CRACD: variants seen among roughly 807,000 people sequenced by gnomAD.
CRACD encodes the protein capping protein-inhibiting regulator of actin dynamics.
A neutral mutation model predicts 106.8 loss-of-function variants in CRACD; 56 were observed. That is an observed-to-expected ratio of 0.52 (90% CI 0.42 to 0.66). CRACD has a LOEUF of 0.66. Among genes scored for constraint, CRACD ranks in the 30% least tolerant of loss-of-function variants. The pLI is 0.00. For synonymous variants in CRACD, 754 were observed against 670.8 expected (o/e 1.12, Z -1.92); for missense variants, 1,730 against 1,623.2 (o/e 1.07, Z -1.13).
chr4:56,081,974 C>CA (rs34692481), intron 1 of CRACD, among the ~76,000 whole-genome samples: 4,483 of 143,670 alleles, frequency 0.031, 82 homozygotes, highest in Admixed American at 0.064. Flanking sequence ...GACTCCGTCT[C>CA]AAAAAAAAAA....
intron 3 of CRACD, among the ~76,000 whole-genome samples, chr4:56,289,080 A>G (rs540579012): frequency 6.6e-6 from 1 of 152,286 alleles, no homozygotes; most frequent in East Asian, 1.9e-4. Context: ...AAATTCAAAG[A>G]GACAGAAAGT....
At chr4:56,058,594 GCTT>G (rs1732166100) in intron 1 of CRACD, among the ~76,000 whole-genome samples, 1 of 152,200 alleles carries the variant, frequency 6.6e-6, no homozygotes, top group African/African-American at 2.4e-5. Context: ...CAGAATGTAG[GCTT>G]CCTGTCAGTT....
chr4:56,101,462 T>C (rs1733773238), intron 1 of CRACD, among the ~76,000 whole-genome samples: 1 of 152,160 alleles, frequency 6.6e-6, no homozygotes, highest in Admixed American at 6.6e-5. Context: ...TTTGTACTTT[T>C]ATTAAAAATG....
At chr4:56,164,109 CAT>C (rs1018921045) in intron 1 of CRACD, among the ~76,000 whole-genome samples, 19 of 151,242 alleles carry the variant, frequency 1.3e-4, no homozygotes, top group African/African-American at 3.9e-4. Context: ...AAGTTTCAGA[CAT>C]ATACTTTTGC....
Position 56,295,688 on chromosome 4 carries a change from T to G in CRACD, c.-16-2526T>G, listed in dbSNP as rs868078435. 4.1e-4 allele frequency among the ~76,000 whole-genome samples: 54 copies of G among 132,316 alleles called. 1 individual carries two copies. Among genetic ancestry groups the G allele is most frequent in the African/African-American group, 1.6e-3 (52 of 32,472 alleles). The allele number at this position is 132,316 out of a possible 152,430, so 86.8% of individuals were successfully genotyped here. A position where few individuals can be genotyped will look rare whatever the true frequency, so the allele number is the denominator to read the frequency against. The stretch of plus-strand genomic sequence containing the variant: ...ATATATATATATATATATATATATA[T>G]ATATATATATATATATATATATATG... On this transcript the variant is annotated intron_variant, in intron 3 of 10. Transcript: ENST00000682029.
intron 1 of CRACD, among the ~76,000 whole-genome samples, chr4:56,169,792 G>A (rs185903153): frequency 2.6e-4 from 39 of 152,042 alleles, no homozygotes; most frequent in Non-Finnish European, 4.7e-4. Context: ...CGACTGGCCC[G>A]TTAAGAGTAT....
chr4:56,152,098 C>T (rs1416882913), intron 1 of CRACD, among the ~76,000 whole-genome samples: 2 of 151,554 alleles, frequency 1.3e-5, no homozygotes, highest in Non-Finnish European at 2.9e-5. Context: ...CCAGCTCCAC[C>T]TCCCGGGTTC....
chr4:56,232,199 TTA>T (rs1739663753), intron 2 of CRACD, among the ~76,000 whole-genome samples: 2 of 152,290 alleles, frequency 1.3e-5, no homozygotes, highest in South Asian at 4.1e-4. Context: ...TTCTAGAATT[TTA>T]TATAATGGTA....
intron 2 of CRACD, among the ~76,000 whole-genome samples, chr4:56,188,711 C>CAG (rs142124735): frequency 0.11 from 12,363 of 109,812 alleles, 1,633 homozygotes; most frequent in Non-Finnish European, 0.16. Context: ...CACACACACA[C>CAG]AGAGAGAGAG....
rs1188455252 is a variant in CRACD, at chr4:56,314,502, CGGCTGGAGGAGGACGCCA to C, written c.1012_1029del (p.Asp338_Glu343del). ...CCAGGCCCAAGCGGAGGAGAGGCGGCGGCTGGAGGAGGACGCCAGGCTGGAGGAGCGGAGGCGGCAGGA... is the reference window on the plus strand; with the variant it reads ...CCAGGCCCAAGCGGAGGAGAGGCGGCGGCTGGAGGAGCGGAGGCGGCAGGA... On this transcript the variant is annotated inframe_deletion, in exon 8 of 11. Transcript: ENST00000682029. This position sits in a 1 kb window ranked among gnomAD's most constrained non-coding sequence, Gnocchi z 4.4. 1.1e-5 allele frequency: 17 copies of C among 1,516,016 alleles called. No homozygotes were observed. In the South Asian group the frequency reaches 1.8e-4, roughly 16 times the overall value. The allele number at this position is 1,516,016 out of a possible 1,614,324, so 93.9% of individuals were successfully genotyped here.
At chr4:56,162,681 C>T (rs769357067) in intron 1 of CRACD, among the ~76,000 whole-genome samples, 10 of 152,212 alleles carry the variant, frequency 6.6e-5, no homozygotes, top group Non-Finnish European at 1.5e-4. Context: ...ATTACTGAAG[C>T]CTGCCTTGTC....
Position 56,307,455 on chromosome 4 carries a change from T to C in CRACD, c.121-80T>C. 2.1e-6 allele frequency: 3 copies of C among 1,450,600 alleles called. No individual in the cohort carries two copies. The South Asian group carries it at 3.8e-5, about 18-fold the overall frequency. 89.9% of individuals were successfully genotyped at this position (1,450,600 alleles called of 1,614,324 possible). A position where few individuals can be genotyped will look rare whatever the true frequency, so the allele number is the denominator to read the frequency against. ...GCACAAGGTATGCCTCAGTGCTCACTAGACATGCTGGAGAACCTGGTTGTG... is the reference window on the plus strand; with the variant it reads ...GCACAAGGTATGCCTCAGTGCTCACCAGACATGCTGGAGAACCTGGTTGTG... On this transcript the variant is annotated intron_variant, in intron 4 of 10. Coordinates refer to ENST00000682029, the MANE Select transcript of CRACD (RefSeq NM_001393381.1).
chr4:56,262,936 A>G (rs914766367), intron 2 of CRACD, among the ~76,000 whole-genome samples: 1 of 152,200 alleles, frequency 6.6e-6, no homozygotes, highest in Non-Finnish European at 1.5e-5. Flanking sequence ...TCCAAAACAC[A>G]GCTGGCCCTA....
At chr4:56,136,017 T>A (rs951697785) in intron 1 of CRACD, among the ~76,000 whole-genome samples, 14 of 152,128 alleles carry the variant, frequency 9.2e-5, no homozygotes, top group Non-Finnish European at 1.9e-4. Flanking sequence ...TTATACAGTA[T>A]GTACTCTTTT....
chr4:56,215,741 G>A (rs894156982), intron 2 of CRACD, among the ~76,000 whole-genome samples: 1 of 152,156 alleles, frequency 6.6e-6, no homozygotes, highest in South Asian at 2.1e-4. Context: ...TGAGGTTGAA[G>A]GTGACTAAGA....
rs535473044 is a variant in CRACD at position 56,284,724 on chromosome 4, C to T, written c.-17+12232C>T. Among the ~76,000 whole-genome samples the T allele has an allele frequency of 5.4e-5, 6 of 110,212 alleles. No individual in the cohort carries two copies. In the East Asian group the frequency reaches 9.8e-4, roughly 18 times the overall value. 72.3% of individuals were successfully genotyped at this position (110,212 alleles called of 152,430 possible). A position where few individuals can be genotyped will look rare whatever the true frequency, so the allele number is the denominator to read the frequency against. On this transcript the variant is annotated intron_variant, in intron 3 of 10. Coordinates refer to ENST00000682029, the MANE Select transcript of CRACD (RefSeq NM_001393381.1). The stretch of plus-strand genomic sequence containing the variant: ...TGGGCTACAGAGTGAGACTCCGTCT[C>T]GAAAACAAAAAACAAAAAAAAAGAA...
chr4:56,327,771 G>A lies in CRACD; in HGVS notation c.3669G>A (p.Lys1223=), dbSNP rs749623898. The change falls in exon 11 of 11, where the codon AAG becomes AAA. Residue 1223 remains lysine, a synonymous_variant. Transcript: ENST00000682029. ...AWLALAKRKA[K]AWSDCPQIIK ...TGGCTTTGGCCAAAAGGAAAGCAAA[G>A]GCTTGGAGCGACTGTCCACAGATTA... 3.1e-6 allele frequency: 5 copies of A among 1,614,168 alleles called. No individual in the cohort carries two copies. In the South Asian group the frequency reaches 3.3e-5, roughly 11 times the overall value.
At chr4:56,189,386 C>CT (rs199883591) in intron 2 of CRACD, among the ~76,000 whole-genome samples, 5 of 151,832 alleles carry the variant, frequency 3.3e-5, no homozygotes, top group Admixed American at 6.6e-5. Context: ...AAAAGTATTT[C>CT]TTTTTTTAAA....
At chr4:56,116,728 A>G (rs564399470) in intron 1 of CRACD, among the ~76,000 whole-genome samples, 1 of 152,066 alleles carries the variant, frequency 6.6e-6, no homozygotes, top group Non-Finnish European at 1.5e-5. Context: ...TTTATTTTTT[A>G]GACGGAGTCT....
Sources: allele counts gnomAD v4.1 joint callset (sites outside exome capture counted in the v4.1 genomes callset), GRCh38; gene constraint gnomAD v4.1.1; non-coding constraint Gnocchi (gnomAD v3.1); transcripts MANE v1.5; gene names NCBI Gene and HGNC (gene_info 2026-07-23, HGNC 2026-07-21).